EXTL3: variants seen among roughly 807,000 people sequenced by gnomAD.
EXTL3 encodes exostosin-like 3.
In EXTL3, 27 loss-of-function variants were observed where a neutral mutation model predicts 69.3. The ratio of observed to expected loss-of-function variants is 0.39; its 90% CI spans 0.29 to 0.54. The LOEUF (loss-of-function observed/expected upper bound fraction) is 0.54. Among genes scored for constraint, EXTL3 ranks in the 20% least tolerant of loss-of-function variants. The probability of loss-of-function intolerance (pLI) is 0.69; values close to 1 mark genes in which losing one functional copy is unlikely to be tolerated. For missense variants in EXTL3, 1,003 were observed against 1,231.8 expected (o/e 0.81, Z 2.78); for synonymous variants, 511 against 499.4 (o/e 1.02, Z -0.31).
At chr8:28,683,865 G>T (rs542113042) in intron 1 of EXTL3, among the ~76,000 whole-genome samples, 1 of 151,760 alleles carries the variant, frequency 6.6e-6, no homozygotes, top group South Asian at 2.1e-4. Context: ...TCAAATACTA[G>T]ATCTTATTCA....
rs1158137298 is a variant in EXTL3 at position 28,752,219 on chromosome 8, G to C, written c.*1353G>C. On this transcript the variant is annotated 3_prime_UTR_variant, in exon 7 of 7. Transcript: ENST00000220562. ...CCCTGCTTAGGATTCTGTTCCCTGG[G>C]CTGAAACTGAAATAAGCTAATTTTT... 6.6e-6 allele frequency: 1 copy of C among 152,264 alleles called. No homozygotes were observed. Among genetic ancestry groups the C allele is most frequent in the South Asian group, 2.1e-4 (1 of 4,816 alleles). The allele number at this position is 152,264 out of a possible 1,614,324, so 9.4% of individuals were successfully genotyped here.
At chr8:28,670,220 G>A (rs77171426) in intron 1 of EXTL3, among the ~76,000 whole-genome samples, 4 of 16,132 alleles carry the variant, frequency 2.5e-4, no homozygotes, top group African/African-American at 4.5e-4. Flanking sequence ...AAAAAAAAAA[G>A]GTTGGGGGGA....
chr8:28,681,021 G>A (rs561989563), intron 1 of EXTL3, among the ~76,000 whole-genome samples: 1 of 151,974 alleles, frequency 6.6e-6, no homozygotes, highest in African/African-American at 2.4e-5. Context: ...GGGATTACAG[G>A]CACCCACCAC....
chr8:28,630,196 A>G (rs889559114), intron 1 of EXTL3, among the ~76,000 whole-genome samples: 1 of 152,092 alleles, frequency 6.6e-6, no homozygotes, highest in African/African-American at 2.4e-5. Flanking sequence ...GTGATAGTGA[A>G]TAAGTCTCAT....
chr8:28,681,806 C>A (rs1807494696), intron 1 of EXTL3, among the ~76,000 whole-genome samples: 1 of 152,172 alleles, frequency 6.6e-6, no homozygotes, highest in Non-Finnish European at 1.5e-5. Flanking sequence ...GTAATCCCAG[C>A]ACTTTAGGAG....
At chr8:28,742,362 C>A (rs1030346802) in intron 5 of EXTL3, 1 of 152,504 alleles carries the variant, frequency 6.6e-6, no homozygotes, top group African/African-American at 2.4e-5. Context: ...GGCTCCAACA[C>A]ACCCCTCTGT....
chr8:28,675,682 C>CCT (rs1807369655), intron 1 of EXTL3, among the ~76,000 whole-genome samples: 1 of 152,178 alleles, frequency 6.6e-6, no homozygotes, highest in Admixed American at 6.5e-5. Context: ...CATGGGCTCA[C>CCT]TAAGCAGGGA....
rs976998039 is a variant in EXTL3, at chr8:28,705,347, A to G, written c.-570+3688A>G. ...TTAGGGGACCTGATGAATCAGAAATATGGTAATGATGATGGGATGGTAAAG... is the reference window on the plus strand; with the variant it reads ...TTAGGGGACCTGATGAATCAGAAATGTGGTAATGATGATGGGATGGTAAAG... On this transcript the variant is annotated intron_variant, in intron 1 of 6. Coordinates refer to ENST00000220562, the MANE Select transcript of EXTL3 (RefSeq NM_001440.4). 2.6e-5 allele frequency among the ~76,000 whole-genome samples: 4 copies of G among 152,206 alleles called. No individual in the cohort carries two copies. The East Asian group carries it at 5.8e-4, about 22-fold the overall frequency.
chr8:28,639,286 C>A (rs1806706726), intron 1 of EXTL3, among the ~76,000 whole-genome samples: 1 of 152,088 alleles, frequency 6.6e-6, no homozygotes, highest in African/African-American at 2.4e-5. Flanking sequence ...TCACCAAGTC[C>A]AGTCCCGGGT....
intron 1 of EXTL3, among the ~76,000 whole-genome samples, chr8:28,634,423 C>T (rs1035482290): frequency 1.3e-5 from 2 of 152,068 alleles, no homozygotes; most frequent in African/African-American, 2.4e-5. Flanking sequence ...TCTGTTACAC[C>T]TTTCATGCTG....
intron 1 of EXTL3, among the ~76,000 whole-genome samples, chr8:28,706,874 G>T (rs1800934562): frequency 6.7e-6 from 1 of 149,538 alleles, no homozygotes. Context: ...AGAATCATTT[G>T]ATTCTTATAT....
rs896965214 is a variant in EXTL3, at chr8:28,750,395, C to T, written c.2551-262C>T. Reference sequence around the variant, plus strand: ...CATACTAGGAGTAGACTTACTGAGACAGCTGACACTACACACGTTAAGGCT... The same window carrying T: ...CATACTAGGAGTAGACTTACTGAGATAGCTGACACTACACACGTTAAGGCT... On this transcript the variant is annotated intron_variant, in intron 6 of 6. Transcript: ENST00000220562. The surrounding 1 kb of genome is among the most constrained non-coding windows in gnomAD (Gnocchi z 5.2). 5.3e-5 allele frequency among the ~76,000 whole-genome samples: 8 copies of T among 152,222 alleles called. No homozygotes were observed. The highest frequency in any genetic ancestry group is 7.3e-5 in the Non-Finnish European group (5 of 68,032).
chr8:28,645,316 G>A (rs536829824), intron 1 of EXTL3, among the ~76,000 whole-genome samples: 21 of 152,266 alleles, frequency 1.4e-4, no homozygotes, highest in African/African-American at 4.6e-4. Context: ...ATTAAAACTC[G>A]TGCAAAAACA....
intron 1 of EXTL3, among the ~76,000 whole-genome samples, chr8:28,641,281 G>A (rs76535330): frequency 0.023 from 3,527 of 152,234 alleles, 112 homozygotes; most frequent in African/African-American, 0.072. Context: ...TGTATTAACC[G>A]TTCCCTATTG....
At chr8:28,679,387 A>G (rs1807442792) in intron 1 of EXTL3, among the ~76,000 whole-genome samples, 1 of 152,168 alleles carries the variant, frequency 6.6e-6, no homozygotes, top group Admixed American at 6.6e-5. Context: ...CAGAGGTTAC[A>G]GTGAACCAAG....
At position 28,717,378 on chromosome 8, in the gene EXTL3, G is replaced by C. The variant is rs775364911; in HGVS notation, c.1319G>C (p.Arg440Pro). Residue 440 changes from arginine to proline, a missense_variant, in exon 3 of 7, where the codon CGC (arginine) becomes CCC (proline). Physicochemically the swap from Arg to Pro is moderately radical, Grantham distance 103 (BLOSUM62 -2). Coordinates refer to ENST00000220562, the MANE Select transcript of EXTL3 (RefSeq NM_001440.4). The surrounding 1 kb of genome is among the most constrained non-coding windows in gnomAD (Gnocchi z 8.3). Reference protein sequence around the residue: ...FALIITPGDPRLVISSGCATR... With the variant: ...FALIITPGDPPLVISSGCATR... ...CTCATCATTACCCCCGGGGACCCTC[G>C]CTTGGTTATTTCCTCTGGGTGTGCA... The C allele has an allele frequency of 6.2e-7, 1 of 1,614,142 alleles. No individual in the cohort carries two copies. Among genetic ancestry groups the C allele is most frequent in the Admixed American group, 1.7e-5 (1 of 60,022 alleles).
chr8:28,645,585 A>T (rs1806815748), intron 1 of EXTL3, among the ~76,000 whole-genome samples: 1 of 152,028 alleles, frequency 6.6e-6, no homozygotes, highest in African/African-American at 2.4e-5. Flanking sequence ...ATGAAATTAA[A>T]TTTTTTTTGC....
At chr8:28,636,230 G>A (rs891421419) in intron 1 of EXTL3, among the ~76,000 whole-genome samples, 5 of 151,740 alleles carry the variant, frequency 3.3e-5, no homozygotes, top group Non-Finnish European at 7.4e-5. Flanking sequence ...TGCTTGGGTG[G>A]CTGAGGCAGG....
rs77722492 is a variant in EXTL3 at position 28,723,408 on chromosome 8, C to G, written c.2148+5201C>G. The stretch of plus-strand genomic sequence containing the variant: ...GGAAAATTATATAAAACAAGGCTAC[C>G]CCGAACCAAAAATGAATACTAAGAA... On this transcript the variant is annotated intron_variant, in intron 3 of 6. Transcript: ENST00000220562. 7.7e-3 allele frequency among the ~76,000 whole-genome samples: 1,179 copies of G among 152,208 alleles called. 5 individuals are homozygous for G. Among genetic ancestry groups the G allele is most frequent in the Middle Eastern group, 0.02 (6 of 294 alleles).
Sources: gnomAD v4.1 joint callset for allele counts (sites outside exome capture counted in the v4.1 genomes callset) on GRCh38, gnomAD v4.1.1 for gene constraint, Gnocchi (gnomAD v3.1) non-coding constraint, MANE v1.5 for transcripts, NCBI Gene and HGNC (gene_info 2026-07-23, HGNC 2026-07-21) for gene names.